MGAT5B: variants seen among roughly 807,000 people sequenced by gnomAD.
MGAT5B encodes N-acetylglucosaminyl-transferase Vb.
MGAT5B carries 54 observed loss-of-function variants against 95.1 expected under a neutral mutation model. That is an observed-to-expected ratio of 0.57 (90% CI 0.46 to 0.71). The LOEUF (loss-of-function observed/expected upper bound fraction) is 0.71, where lower values mean the gene tolerates loss of function less well. MGAT5B is among the 30% of genes least tolerant of loss of function. MGAT5B has a pLI of 0.00. For missense variants in MGAT5B, 935 were observed against 1,088.6 expected (o/e 0.86, Z 1.99); for synonymous variants, 464 against 451.0 (o/e 1.03, Z -0.36).
At chr17:76,932,066 TTCC>T (rs1358129738) in intron 10 of MGAT5B, among the ~76,000 whole-genome samples, 33 of 137,678 alleles carry the variant, frequency 2.4e-4, no homozygotes, top group East Asian at 9.0e-4. Flanking sequence ...TCCTCCTTTT[TTCC>T]TCCTCCTCCT....
rs757240567 is a variant in MGAT5B at position 76,940,590 on chromosome 17, G to A, written c.1731+42G>A. ...CTGGTCCCCGATCAGGAGGGGCCGG[G>A]ACAGAGACCCCTGCAGGTCCTGGAA... On this transcript the variant is annotated intron_variant, in intron 14 of 17. Transcript: ENST00000569840. The surrounding 1 kb of genome is among the most constrained non-coding windows in gnomAD (Gnocchi z 4.3). The A allele has an allele frequency of 3.3e-5, 53 of 1,590,286 alleles. No individual in the cohort carries two copies. Among genetic ancestry groups the A allele is most frequent in the Non-Finnish European group, 4.4e-5 (51 of 1,164,776 alleles).
intron 1 of MGAT5B, among the ~76,000 whole-genome samples, chr17:76,871,908 A>G (rs1460806036): frequency 6.6e-6 from 1 of 152,196 alleles, no homozygotes; most frequent in African/African-American, 2.4e-5. Flanking sequence ...TTGATGAGGG[A>G]AGCAGCAGGA....
chr17:76,905,161 C>T lies in MGAT5B; in HGVS notation c.691-8C>T, dbSNP rs1158471004. ...AGGGGCAGAGAGCTGAGGTCTGGACCCCTCCAGGCAGTTTTCCGAAGCAAC... is the reference window on the plus strand; with the variant it reads ...AGGGGCAGAGAGCTGAGGTCTGGACTCCTCCAGGCAGTTTTCCGAAGCAAC... On this transcript the variant is annotated splice_region_variant and splice_polypyrimidine_tract_variant and intron_variant, in intron 6 of 17. Transcript: ENST00000569840. The surrounding 1 kb of genome is among the most constrained non-coding windows in gnomAD (Gnocchi z 4.2). The T allele has an allele frequency of 1.2e-6, 2 of 1,604,116 alleles. No homozygotes were observed. The highest frequency in any genetic ancestry group is 1.7e-6 in the Non-Finnish European group (2 of 1,172,606).
At chr17:76,936,062 A>G (rs1175687515) in intron 12 of MGAT5B, among the ~76,000 whole-genome samples, 5 of 150,570 alleles carry the variant, frequency 3.3e-5, no homozygotes, top group Non-Finnish European at 7.4e-5. Context: ...CAGCCTCTCA[A>G]AGTGCTGGGT....
intron 11 of MGAT5B, 63 bp downstream of exon 11, chr17:76,932,838 C>T: frequency 1.3e-6 from 2 of 1,587,120 alleles, no homozygotes; most frequent in Non-Finnish European, 1.7e-6. Context: ...CGCCTGGGTC[C>T]CGCATCTCCT....
chr17:76,890,961 CTTTTTTT>C (rs150133278), intron 3 of MGAT5B, among the ~76,000 whole-genome samples: 2 of 111,646 alleles, frequency 1.8e-5, no homozygotes, highest in Admixed American at 9.7e-5. Flanking sequence ...CTCTGGGGGC[CTTTTTTT>C]TTTTTTTTTT....
At chr17:76,909,786 A>T (rs1360201996) in intron 8 of MGAT5B, among the ~76,000 whole-genome samples, 1 of 152,138 alleles carries the variant, frequency 6.6e-6, no homozygotes, top group Non-Finnish European at 1.5e-5. Flanking sequence ...GAGGCCACTA[A>T]ATGACCCAGG....
intron 3 of MGAT5B, among the ~76,000 whole-genome samples, chr17:76,901,047 G>A (rs1388094261): frequency 2.6e-5 from 4 of 152,086 alleles, no homozygotes; most frequent in Middle Eastern, 3.2e-3. Flanking sequence ...CCTCCACTTC[G>A]GTGTCTGCTT....
intron 3 of MGAT5B, among the ~76,000 whole-genome samples, chr17:76,901,089 G>A (rs962597368): frequency 1.1e-4 from 16 of 152,166 alleles, no homozygotes; most frequent in African/African-American, 3.6e-4. Context: ...CTAGTCCCCC[G>A]ATGTGTATGG....
At chr17:76,911,245 C>T (rs987865642) in intron 8 of MGAT5B, among the ~76,000 whole-genome samples, 6 of 152,222 alleles carry the variant, frequency 3.9e-5, no homozygotes, top group Non-Finnish European at 5.9e-5. Context: ...CTTTTCTAAG[C>T]CCCTCAGCCC....
At chr17:76,923,857 T>C (rs1331674398) in intron 8 of MGAT5B, 1 of 152,272 alleles carries the variant, frequency 6.6e-6, no homozygotes, top group Non-Finnish European at 1.5e-5. Context: ...GACCGGGTTC[T>C]GCATGCATTC....
In MGAT5B at chr17:76,869,300, G is replaced by A. The variant is rs549250225; in HGVS notation, c.68+203G>A. ...GATGGGGAGGGTTGTGTTATTCGGGGACCTGTCCCGAGTTGGGCAGGGTTG... is the reference window on the plus strand; with the variant it reads ...GATGGGGAGGGTTGTGTTATTCGGGAACCTGTCCCGAGTTGGGCAGGGTTG... On this transcript the variant is annotated intron_variant, in intron 1 of 17. Coordinates refer to ENST00000569840, the MANE Select transcript of MGAT5B (RefSeq NM_001199172.2). The surrounding 1 kb of genome is among the most constrained non-coding windows in gnomAD (Gnocchi z 7.0). Among the ~76,000 whole-genome samples the A allele has an allele frequency of 2.0e-5, 3 of 152,152 alleles. No homozygotes were observed. Among genetic ancestry groups the A allele is most frequent in the East Asian group, 3.9e-4 (2 of 5,138 alleles).
rs1253801913 is a variant in MGAT5B at position 76,948,766 on chromosome 17, C to T, written c.2307C>T (p.Thr769=). ...TCTTCAGCTGCGCCGGCTCCAACAC[C>T]AAGTACCGCCGGCTCTGCCCCTGCC... is the stretch of plus-strand genomic sequence containing the variant. ...PLLFSCAGSN[T]KYRRLCPCRD... Residue 769 remains threonine, a synonymous_variant, in exon 18 of 18, where the codon ACC becomes ACT. Coordinates refer to ENST00000569840, the MANE Select transcript of MGAT5B (RefSeq NM_001199172.2). 1 of 1,610,164 alleles carries T rather than the reference C, an allele frequency of 6.2e-7. No individual in the cohort carries two copies. The highest frequency in any genetic ancestry group is 8.5e-7 in the Non-Finnish European group (1 of 1,178,796).
At chr17:76,935,443 T>C (rs576225056) in intron 12 of MGAT5B, among the ~76,000 whole-genome samples, 8 of 47,848 alleles carry the variant, frequency 1.7e-4, no homozygotes, top group African/African-American at 3.6e-4. Context: ...ATTACGAGGC[T>C]TTCAATTCTT....
rs1027895020 is a variant in MGAT5B at position 76,937,356 on chromosome 17, G to A, written c.1429-632G>A. ...GGATGGATGGATAGATGGATGAGTC[G>A]ATGGGTGGATGGGTGAGTGGAGGGA... On this transcript the variant is annotated intron_variant, in intron 12 of 17. Coordinates refer to ENST00000569840, the MANE Select transcript of MGAT5B (RefSeq NM_001199172.2). Among the ~76,000 whole-genome samples, 12 of 152,142 alleles carry A rather than the reference G, an allele frequency of 7.9e-5. No individual in the cohort carries two copies. In the South Asian group the frequency reaches 8.3e-4, roughly 11 times the overall value.
intron 13 of MGAT5B, among the ~76,000 whole-genome samples, chr17:76,939,025 T>TG (rs112555397): frequency 0.019 from 2,407 of 128,646 alleles, 34 homozygotes; most frequent in South Asian, 0.054. Flanking sequence ...CAAGGCATCT[T>TG]GGGGGTGTGT....
At chr17:76,884,669 T>A (rs979308209) in intron 3 of MGAT5B, among the ~76,000 whole-genome samples, 2 of 151,350 alleles carry the variant, frequency 1.3e-5, no homozygotes, top group East Asian at 1.9e-4. Context: ...AGTGGCATGA[T>A]CTCGGCTCAC....
intron 2 of MGAT5B, among the ~76,000 whole-genome samples, chr17:76,875,653 C>CTTTTTTTTTTTTTTTTTTTTTTTTT (rs547158669): frequency 1.5e-5 from 1 of 67,098 alleles, no homozygotes; most frequent in Non-Finnish European, 2.6e-5. Flanking sequence ...GTCACTTGCA[C>CTTTTTTTTTTTTTTTTTTTTTTTTT]TTTTTTTTTT....
chr17:76,940,089 C>A lies in MGAT5B; in HGVS notation c.1585-313C>A, dbSNP rs923823093. On this transcript the variant is annotated intron_variant, in intron 13 of 17. Coordinates refer to ENST00000569840, the MANE Select transcript of MGAT5B (RefSeq NM_001199172.2). The surrounding 1 kb of genome is among the most constrained non-coding windows in gnomAD (Gnocchi z 4.3). ...TGAAACCCTTGTTCTTTTCTTCCTC[C>A]CTCCACAATCATAAATCATAGCCTG... Among the ~76,000 whole-genome samples the A allele has an allele frequency of 9.9e-5, 15 of 152,108 alleles. No individual in the cohort carries two copies. Among genetic ancestry groups the A allele is most frequent in the East Asian group, 1.9e-4 (1 of 5,190 alleles).
Sources: allele counts gnomAD v4.1 joint callset (sites outside exome capture counted in the v4.1 genomes callset), GRCh38; gene constraint gnomAD v4.1.1; non-coding constraint Gnocchi (gnomAD v3.1); transcripts MANE v1.5; gene names NCBI Gene and HGNC (gene_info 2026-07-23, HGNC 2026-07-21).